The following RFTN1 variants were observed in gnomAD, a reference collection of about 807,000 sequenced individuals.
The protein encoded by RFTN1 is raftlin.
In RFTN1, 26 loss-of-function variants were observed where a neutral mutation model predicts 46.5. The observed-to-expected ratio is 0.56, with a 90% CI of 0.41 to 0.78. The LOEUF is 0.78. Ranked by LOEUF, RFTN1 falls within the 30% of genes least tolerant of loss-of-function variation. RFTN1 has a pLI of 0.00. For synonymous variants in RFTN1, 261 were observed against 284.2 expected, an observed-to-expected ratio of 0.92 and a Z score of 0.82; for missense variants, 693 against 718.7, an observed-to-expected ratio of 0.96 and a Z score of 0.41.
rs142669277 is a variant in RFTN1 at position 16,433,898 on chromosome 3, C to A, written c.285G>T (p.Thr95=). The A allele has an allele frequency of 1.2e-6, 2 of 1,614,174 alleles. No individual in the cohort carries two copies. Among genetic ancestry groups the A allele is most frequent in the East Asian group, 4.5e-5 (2 of 44,880 alleles). Residue 95 remains threonine (T), a synonymous_variant, in exon 3 of 10, where the codon ACG becomes ACT. Coordinates refer to ENST00000334133, the MANE Select transcript of RFTN1 (RefSeq NM_015150.2). The surrounding 1 kb of genome is among the most constrained non-coding windows in gnomAD (Gnocchi z 4.4). ...TGGCTCTAAAGATGTGCTCCAGGGG[C>A]GTCTTCTCCCGCTCATGGGTGGGCT... The part of the protein sequence containing the change: ...FVQPTHEREK[T]PLEHIFRAIL...
At chr3:16,359,826 T>TC (rs1239387074) in intron 6 of RFTN1, among the ~76,000 whole-genome samples, 1 of 152,174 alleles carries the variant, frequency 6.6e-6, no homozygotes, top group African/African-American at 2.4e-5. Flanking sequence ...CTTTTTTTTT[T>TC]CATGGGGAGG....
chr3:16,350,728 T>A (rs2072042172), intron 7 of RFTN1, among the ~76,000 whole-genome samples: 2 of 152,192 alleles, frequency 1.3e-5, no homozygotes, highest in African/African-American at 4.8e-5. Context: ...TGTTGATTCC[T>A]GGGCCTTTCA....
chr3:16,503,781 GTCC>G (rs561359910), intron 1 of RFTN1, among the ~76,000 whole-genome samples: 109 of 152,088 alleles, frequency 7.2e-4, no homozygotes, highest in Middle Eastern at 3.4e-3. Context: ...CTACATTTCT[GTCC>G]TCCTCCATCC....
rs2125291458 is a variant in RFTN1 at position 16,342,130 on chromosome 3, A to C, written c.1147-15254T>G. ...TATTCAGAGTTATACAACCATCACC[A>C]CAATCTAAGTTTAGACCACTTTCAT... On this transcript the variant is annotated intron_variant, in intron 7 of 9. Coordinates refer to ENST00000334133, the MANE Select transcript of RFTN1 (RefSeq NM_015150.2). This position sits in a 1 kb window ranked among gnomAD's most constrained non-coding sequence, Gnocchi z 4.0. Among the ~76,000 whole-genome samples, 2 of 152,300 alleles carry C rather than the reference A, an allele frequency of 1.3e-5. No individual in the cohort carries two copies. The highest frequency in any genetic ancestry group is 2.9e-5 in the Non-Finnish European group (2 of 68,032).
In RFTN1 at chr3:16,336,859, AAAT is replaced by A. The variant is rs1470946790; in HGVS notation, c.1147-9986_1147-9984del. 1.3e-5 allele frequency among the ~76,000 whole-genome samples: 2 copies of A among 152,204 alleles called. No individual in the cohort carries two copies. Among genetic ancestry groups the A allele is most frequent in the Non-Finnish European group, 2.9e-5 (2 of 68,042 alleles). ...CCTTTTAGGAGCTCAACGAAATAAA[AAAT>A]AATAATTGTTATTATTACATGAAAC... On this transcript the variant is annotated intron_variant, in intron 7 of 9. Coordinates refer to ENST00000334133, the MANE Select transcript of RFTN1 (RefSeq NM_015150.2). The surrounding 1 kb of genome is among the most constrained non-coding windows in gnomAD (Gnocchi z 6.0).
Position 16,449,012 on chromosome 3 carries a change from C to G in RFTN1, c.146-14975G>C, listed in dbSNP as rs916777339. Among the ~76,000 whole-genome samples, 5 of 152,196 alleles carry G rather than the reference C, an allele frequency of 3.3e-5. No individual in the cohort carries two copies. The highest frequency in any genetic ancestry group is 1.2e-4 in the African/African-American group (5 of 41,448). On this transcript the variant is annotated intron_variant, in intron 2 of 9. Coordinates refer to ENST00000334133, the MANE Select transcript of RFTN1 (RefSeq NM_015150.2). The surrounding 1 kb of genome is among the most constrained non-coding windows in gnomAD (Gnocchi z 5.1). ...CCAGAAAGGCAACATCTCCCTCACA[C>G]ACTTAATAAATGCATCCGTGTGGTA...
rs76237315 is a variant in RFTN1, at chr3:16,474,393, G to A, written c.145+19332C>T. Among the ~76,000 whole-genome samples the A allele has an allele frequency of 0.041, 6,316 of 152,232 alleles. 179 individuals carry two copies. The highest frequency in any genetic ancestry group is 0.064 in the Non-Finnish European group (4,377 of 67,980). On this transcript the variant is annotated intron_variant, in intron 2 of 9. Coordinates refer to ENST00000334133, the MANE Select transcript of RFTN1 (RefSeq NM_015150.2). This position sits in a 1 kb window ranked among gnomAD's most constrained non-coding sequence, Gnocchi z 5.5. ...GCCAGCACTATTCCCTGACATGCAG[G>A]GTGATGGACTGCTACACAGCTGCTG...
intron 2 of RFTN1, among the ~76,000 whole-genome samples, chr3:16,492,982 C>T (rs537660791): frequency 1.6e-4 from 25 of 152,296 alleles, no homozygotes; most frequent in Non-Finnish European, 2.2e-4. Flanking sequence ...GTAGGTGACC[C>T]GACTCCCTCT....
At position 16,317,561 on chromosome 3, in the gene RFTN1, G is replaced by GA. The variant is rs1427534900; in HGVS notation, c.1333-330dup. On this transcript the variant is annotated intron_variant, in intron 9 of 9. Coordinates refer to ENST00000334133, the MANE Select transcript of RFTN1 (RefSeq NM_015150.2). The surrounding 1 kb of genome is among the most constrained non-coding windows in gnomAD (Gnocchi z 4.3). The stretch of plus-strand genomic sequence containing the variant: ...AAAGTCCTATCATTTGGAGGGCCAG[G>GA]ATGGAGAGGAGATGTGAGGCCTGCC... 6.6e-6 allele frequency among the ~76,000 whole-genome samples: 1 copy of GA among 152,218 alleles called. No homozygotes were observed. Among genetic ancestry groups the GA allele is most frequent in the Non-Finnish European group, 1.5e-5 (1 of 68,042 alleles).
In RFTN1 at chr3:16,317,813, C is replaced by T. The variant is rs924934992; in HGVS notation, c.1333-581G>A. Among the ~76,000 whole-genome samples, 11 of 144,734 alleles carry T rather than the reference C, an allele frequency of 7.6e-5. No homozygotes were observed. Among genetic ancestry groups the T allele is most frequent in the African/African-American group, 3.1e-4 (11 of 35,422 alleles). The allele number at this position is 144,734 out of a possible 152,430, so 95.0% of individuals were successfully genotyped here. ...ACCACCACCTCACAGAAGGGTCACA[C>T]CAGGGCAACCTACAACCAATGACTG... On this transcript the variant is annotated intron_variant, in intron 9 of 9. Transcript: ENST00000334133. This position sits in a 1 kb window ranked among gnomAD's most constrained non-coding sequence, Gnocchi z 4.3.
rs888954534 is a variant in RFTN1 at position 16,329,681 on chromosome 3, G to T, written c.1147-2805C>A. 6.6e-6 allele frequency among the ~76,000 whole-genome samples: 1 copy of T among 152,150 alleles called. No individual in the cohort carries two copies. The highest frequency in any genetic ancestry group is 2.4e-5 in the African/African-American group (1 of 41,428). ...CATCCCCGTATTCCCAGTTTAAAGAGAGGAGGAAAACCAATTTTAAATCCA... is the reference window on the plus strand; with the variant it reads ...CATCCCCGTATTCCCAGTTTAAAGATAGGAGGAAAACCAATTTTAAATCCA... On this transcript the variant is annotated intron_variant, in intron 7 of 9. Coordinates refer to ENST00000334133, the MANE Select transcript of RFTN1 (RefSeq NM_015150.2). This position sits in a 1 kb window ranked among gnomAD's most constrained non-coding sequence, Gnocchi z 4.5.
At position 16,352,627 on chromosome 3, in the gene RFTN1, G is replaced by A. The variant is rs1023506150; in HGVS notation, c.1146+5305C>T. Among the ~76,000 whole-genome samples, 4 of 152,150 alleles carry A rather than the reference G, an allele frequency of 2.6e-5. No individual in the cohort carries two copies. The highest frequency in any genetic ancestry group is 5.9e-5 in the Non-Finnish European group (4 of 68,022). On this transcript the variant is annotated intron_variant, in intron 7 of 9. Transcript: ENST00000334133. The surrounding 1 kb of genome is among the most constrained non-coding windows in gnomAD (Gnocchi z 4.6). ...CTCCTCTGTGCTTTTAGCATAAAAC[G>A]AAGGCAATGGGGGGAGGATCTGTCT...
At position 16,481,320 on chromosome 3, in the gene RFTN1, T is replaced by C. The variant is rs545192416; in HGVS notation, c.145+12405A>G. Among the ~76,000 whole-genome samples the C allele has an allele frequency of 2.0e-5, 3 of 152,318 alleles. No homozygotes were observed. The highest frequency in any genetic ancestry group is 6.5e-5 in the Admixed American group (1 of 15,306). The stretch of plus-strand genomic sequence containing the variant: ...AGCTACGTCACACATATTATCTCAT[T>C]TATCTTTTGAAAATCTCTTCAAACT... On this transcript the variant is annotated intron_variant, in intron 2 of 9. Coordinates refer to ENST00000334133, the MANE Select transcript of RFTN1 (RefSeq NM_015150.2). This position sits in a 1 kb window ranked among gnomAD's most constrained non-coding sequence, Gnocchi z 5.1.
intron 2 of RFTN1, among the ~76,000 whole-genome samples, chr3:16,436,027 C>A (rs1214958217): frequency 1.3e-5 from 2 of 150,760 alleles, no homozygotes; most frequent in African/African-American, 4.9e-5. Flanking sequence ...TATCTGCCAT[C>A]AGTGATGTAT....
chr3:16,433,880 A>AAG lies in RFTN1; in HGVS notation c.302_303insCT (p.Arg102LeufsTer5). On this transcript the variant is annotated frameshift_variant, in exon 3 of 10. Coordinates refer to ENST00000334133, the MANE Select transcript of RFTN1 (RefSeq NM_015150.2). LOFTEE classifies it high-confidence loss of function. The surrounding 1 kb of genome is among the most constrained non-coding windows in gnomAD (Gnocchi z 4.4). ...CGGTTTTCTTGATCAGGATGGCTCT[A>AAG]AAGATGTGCTCCAGGGGCGTCTTCT... is the stretch of plus-strand genomic sequence containing the variant. 6.2e-7 allele frequency: 1 copy of AAG among 1,614,138 alleles called. No homozygotes were observed.
intron 2 of RFTN1, among the ~76,000 whole-genome samples, chr3:16,454,604 G>A (rs547981016): frequency 7.2e-5 from 11 of 152,330 alleles, no homozygotes; most frequent in South Asian, 4.1e-4. Flanking sequence ...GCAGGAATGG[G>A]GGAATTGGGT....
intron 4 of RFTN1, among the ~76,000 whole-genome samples, chr3:16,398,244 CAAA>C (rs202032095): frequency 0.011 from 1,167 of 109,346 alleles, no homozygotes; most frequent in Non-Finnish European, 0.014. Context: ...AAGACTGTCT[CAAA>C]AAAAAAAAAA....
At chr3:16,340,161 G>C (rs2071218391) in intron 7 of RFTN1, among the ~76,000 whole-genome samples, 1 of 152,218 alleles carries the variant, frequency 6.6e-6, no homozygotes, top group African/African-American at 2.4e-5. Context: ...ACGCATTACA[G>C]AGGGTCCTAT....
At chr3:16,488,604 T>C (rs936368875) in intron 2 of RFTN1, among the ~76,000 whole-genome samples, 1 of 152,224 alleles carries the variant, frequency 6.6e-6, no homozygotes, top group Non-Finnish European at 1.5e-5. Flanking sequence ...TTCTACATGA[T>C]AATAAGTTTT....
Sources: gnomAD v4.1 joint callset for allele counts (sites outside exome capture counted in the v4.1 genomes callset) on GRCh38, gnomAD v4.1.1 for gene constraint, Gnocchi (gnomAD v3.1) non-coding constraint, MANE v1.5 for transcripts, NCBI Gene and HGNC (gene_info 2026-07-23, HGNC 2026-07-21) for gene names.